Variants in HCN1 observed in about 807,000 individuals in gnomAD.
HCN1 encodes potassium/sodium hyperpolarization-activated cyclic nucleotide-gated channel 1.
Under a neutral mutation model 78.9 loss-of-function variants are expected in HCN1, and 13 were observed. The ratio of observed to expected loss-of-function variants is 0.16; its 90% confidence interval spans 0.11 to 0.26. The LOEUF (loss-of-function observed/expected upper bound fraction) is 0.26. Among genes scored for constraint, HCN1 ranks in the 10% least tolerant of loss-of-function variants. The pLI, the probability that HCN1 is intolerant of heterozygous loss-of-function variation, is 1.00. For missense variants in HCN1, 810 were observed against 1,154.3 expected (o/e 0.70, Z 4.32); for synonymous variants, 552 against 455.5 (o/e 1.21, Z -2.70).
intron 2 of HCN1, among the ~76,000 whole-genome samples, chr5:45,561,022 CTT>C (rs1458876850): frequency 1.3e-5 from 2 of 152,024 alleles, no homozygotes; most frequent in Admixed American, 1.3e-4. Context: ...CAGATTCTGT[CTT>C]TGTTTCTACT....
intron 2 of HCN1, among the ~76,000 whole-genome samples, chr5:45,593,772 T>C (rs1744434665): frequency 6.6e-6 from 1 of 152,010 alleles, no homozygotes; most frequent in Non-Finnish European, 1.5e-5. Context: ...CCTCCCCGGT[T>C]CAAGCAATTC....
intron 6 of HCN1, among the ~76,000 whole-genome samples, chr5:45,280,412 A>G (rs1475469437): frequency 6.6e-6 from 1 of 152,176 alleles, no homozygotes; most frequent in Non-Finnish European, 1.5e-5. Flanking sequence ...CCAATATATA[A>G]AACTGAATGA....
chr5:45,487,516 C>T (rs1741792035), intron 2 of HCN1, among the ~76,000 whole-genome samples: 1 of 151,420 alleles, frequency 6.6e-6, no homozygotes, highest in Non-Finnish European at 1.5e-5. Flanking sequence ...ATATCTAGGC[C>T]ATTTCAAAAT....
intron 1 of HCN1, among the ~76,000 whole-genome samples, chr5:45,682,627 TAAA>T (rs1159836845): frequency 6.6e-6 from 1 of 151,550 alleles, no homozygotes; most frequent in Admixed American, 6.6e-5. Flanking sequence ...ATTCAAACAG[TAAA>T]AAAACAAACA....
chr5:45,310,651 A>G (rs531539600), intron 5 of HCN1, among the ~76,000 whole-genome samples: 3 of 152,294 alleles, frequency 2.0e-5, no homozygotes, highest in Admixed American at 1.3e-4. Context: ...TCAACCCAGC[A>G]ATCCCATTAC....
chr5:45,683,266 T>A (rs560888979), intron 1 of HCN1, among the ~76,000 whole-genome samples: 83 of 152,274 alleles, frequency 5.5e-4, no homozygotes, highest in African/African-American at 1.7e-3. Context: ...ATATAGCTTA[T>A]GTTTTTAGTT....
chr5:45,626,672 G>A (rs547281226), intron 2 of HCN1, among the ~76,000 whole-genome samples: 89 of 152,020 alleles, frequency 5.9e-4, no homozygotes, highest in South Asian at 2.1e-4. Context: ...AGGACCAAGC[G>A]TCAAAAAACA....
chr5:45,495,844 A>G (rs1039607646), intron 2 of HCN1, among the ~76,000 whole-genome samples: 1 of 152,202 alleles, frequency 6.6e-6, no homozygotes, highest in Non-Finnish European at 1.5e-5. Context: ...CATTTTCTGC[A>G]TCTATTGAGA....
chr5:45,295,490 G>A (rs1434382192), intron 6 of HCN1, among the ~76,000 whole-genome samples: 1 of 151,870 alleles, frequency 6.6e-6, no homozygotes, highest in African/African-American at 2.4e-5. Context: ...GACTGGATGA[G>A]GTGGTGCATG....
intron 4 of HCN1, among the ~76,000 whole-genome samples, chr5:45,394,842 C>G (rs1402051005): frequency 6.6e-6 from 1 of 152,088 alleles, no homozygotes; most frequent in Non-Finnish European, 1.5e-5. Context: ...TTTTAATCAG[C>G]TGTTCCTGAT....
In HCN1 at chr5:45,343,764, A is replaced by G. The variant is rs915270020; in HGVS notation, c.1377+9336T>C. On this transcript the variant is annotated intron_variant, in intron 5 of 7. Coordinates refer to ENST00000303230, the MANE Select transcript of HCN1 (RefSeq NM_021072.4). ...ACAGTTTATAGAATTGAAATGTGAG[A>G]TAATATAAATAAAAGATAATAAATT... is the stretch of plus-strand genomic sequence containing the variant. 8.5e-5 allele frequency among the ~76,000 whole-genome samples: 13 copies of G among 152,134 alleles called. 1 individual carries two copies. Among genetic ancestry groups the G allele is most frequent in the Admixed American group, 8.5e-4 (13 of 15,254 alleles).
intron 5 of HCN1, among the ~76,000 whole-genome samples, chr5:45,318,810 G>A (rs192229554): frequency 3.5e-4 from 53 of 151,852 alleles, no homozygotes; most frequent in Admixed American, 8.6e-4. Flanking sequence ...ATAACCAGCC[G>A]GATTCAAATA....
At chr5:45,353,564 G>A (rs1746953007) in intron 4 of HCN1, among the ~76,000 whole-genome samples, 2 of 151,936 alleles carry the variant, frequency 1.3e-5, no homozygotes, top group Admixed American at 6.6e-5. Flanking sequence ...AAAATGTTAT[G>A]CTATTTTTTT....
intron 1 of HCN1, among the ~76,000 whole-genome samples, chr5:45,664,102 T>C (rs1442951894): frequency 1.0e-5 from 1 of 99,012 alleles, no homozygotes; most frequent in Admixed American, 1.2e-4. Context: ...ATGTGGCACA[T>C]ATACACCATG....
chr5:45,320,760 G>T (rs1025688611), intron 5 of HCN1, among the ~76,000 whole-genome samples: 3 of 151,844 alleles, frequency 2.0e-5, no homozygotes, highest in Non-Finnish European at 4.4e-5. Flanking sequence ...ATGGACATTT[G>T]TTGATTGTCA....
chr5:45,255,011 A>G lies in HCN1; in HGVS notation c.*6910T>C, dbSNP rs1339899928. The G allele has an allele frequency of 6.6e-6, 1 of 152,248 alleles. No homozygotes were observed. Among genetic ancestry groups the G allele is most frequent in the Non-Finnish European group, 1.5e-5 (1 of 68,048 alleles). 9.4% of individuals were successfully genotyped at this position (152,248 alleles called of 1,614,324 possible). On this transcript the variant is annotated 3_prime_UTR_variant, in exon 8 of 8. Coordinates refer to ENST00000303230, the MANE Select transcript of HCN1 (RefSeq NM_021072.4). ...TTATTGATAGCATTAAAAATGTTAC[A>G]GAAGGCAATGGACACATTGTACTGA...
intron 2 of HCN1, among the ~76,000 whole-genome samples, chr5:45,597,609 G>C (rs1744527740): frequency 1.3e-5 from 2 of 152,112 alleles, no homozygotes; most frequent in Non-Finnish European, 2.9e-5. Context: ...GATTCAATTA[G>C]GAAAACAGGA....
chr5:45,346,080 G>T (rs1746698160), intron 5 of HCN1, among the ~76,000 whole-genome samples: 1 of 152,074 alleles, frequency 6.6e-6, no homozygotes, highest in South Asian at 2.1e-4. Context: ...CGACCAAAAG[G>T]GATAAAAGCA....
intron 3 of HCN1, among the ~76,000 whole-genome samples, chr5:45,436,101 T>TATA (rs1740556389): frequency 6.6e-6 from 1 of 152,206 alleles, no homozygotes; most frequent in South Asian, 2.1e-4. Context: ...AATACATGAC[T>TATA]ATAAGAATGT....
Sources: gnomAD v4.1 joint callset for allele counts (sites outside exome capture counted in the v4.1 genomes callset) on GRCh38, gnomAD v4.1.1 for gene constraint, MANE v1.5 for transcripts, NCBI Gene and HGNC (gene_info 2026-07-23, HGNC 2026-07-21) for gene names.